FSTL5: variants seen among roughly 807,000 people sequenced by gnomAD.
FSTL5 encodes follistatin-related protein 5.
Under a neutral mutation model 89.1 loss-of-function variants are expected in FSTL5, and 62 were observed. That is an observed-to-expected ratio of 0.70 (90% CI 0.57 to 0.86). The LOEUF is 0.86. Ranked by LOEUF, FSTL5 falls within the 40% of genes least tolerant of loss-of-function variation. FSTL5 has a pLI of 0.00. For synonymous variants in FSTL5, 383 were observed against 346.2 expected (o/e 1.11, Z -1.18); for missense variants, 1,057 against 1,001.6 (o/e 1.06, Z -0.75).
intron 4 of FSTL5, among the ~76,000 whole-genome samples, chr4:161,838,648 T>C (rs1306370062): frequency 6.6e-6 from 1 of 152,148 alleles, no homozygotes; most frequent in Non-Finnish European, 1.5e-5. Context: ...TTGACATGTA[T>C]CGACATTATG....
In FSTL5 at chr4:161,828,044, G is replaced by A. The variant is rs558195407; in HGVS notation, c.410-51970C>T. ...TTCCTTTATCATGTGGACTTTTCCC[G>A]GTTCCTCTGGTAGCCCTCCCCAAGG... On this transcript the variant is annotated intron_variant, in intron 4 of 15. Coordinates refer to ENST00000306100, the MANE Select transcript of FSTL5 (RefSeq NM_020116.5). Among the ~76,000 whole-genome samples, 386 of 152,164 alleles carry A rather than the reference G, an allele frequency of 2.5e-3. 5 individuals are homozygous for A. In the South Asian group the frequency reaches 0.026, roughly 10 times the overall value.
At chr4:161,896,982 G>A (rs904786455) in intron 4 of FSTL5, among the ~76,000 whole-genome samples, 1 of 152,006 alleles carries the variant, frequency 6.6e-6, no homozygotes, top group Non-Finnish European at 1.5e-5. Flanking sequence ...ACCTAGGCTG[G>A]AATGCAGTGG....
At chr4:161,484,653 A>G (rs940693179) in intron 12 of FSTL5, among the ~76,000 whole-genome samples, 4 of 152,182 alleles carry the variant, frequency 2.6e-5, no homozygotes, top group African/African-American at 9.6e-5. Context: ...CTTTTAAAAG[A>G]TATATTTTCA....
At chr4:161,699,289 T>C (rs562404989) in intron 6 of FSTL5, among the ~76,000 whole-genome samples, 1 of 152,338 alleles carries the variant, frequency 6.6e-6, no homozygotes, top group South Asian at 2.1e-4. Context: ...GATGTATACA[T>C]AAAAAGATTT....
At chr4:162,023,879 C>G (rs1737186613) in intron 3 of FSTL5, among the ~76,000 whole-genome samples, 1 of 152,086 alleles carries the variant, frequency 6.6e-6, no homozygotes, top group South Asian at 2.1e-4. Flanking sequence ...TTGCCATTAT[C>G]TGTGAAAGGA....
chr4:162,112,293 A>G (rs1449284856), intron 1 of FSTL5, among the ~76,000 whole-genome samples: 2 of 152,176 alleles, frequency 1.3e-5, no homozygotes, highest in Non-Finnish European at 2.9e-5. Context: ...GGTCTGTTTT[A>G]GCGACAGGGT....
intron 3 of FSTL5, among the ~76,000 whole-genome samples, chr4:161,964,464 G>C (rs879375922): frequency 3.9e-5 from 6 of 151,978 alleles, no homozygotes; most frequent in Admixed American, 3.9e-4. Context: ...ACATTATGTT[G>C]AAGAATACAG....
At chr4:161,694,758 G>T (rs572002766) in intron 6 of FSTL5, among the ~76,000 whole-genome samples, 1 of 149,938 alleles carries the variant, frequency 6.7e-6, no homozygotes, top group African/African-American at 2.4e-5. Flanking sequence ...CTGGAAATCA[G>T]ATTTTTCTCT....
intron 7 of FSTL5, among the ~76,000 whole-genome samples, chr4:161,626,787 C>T (rs560814499): frequency 6.6e-6 from 1 of 152,114 alleles, no homozygotes; most frequent in Non-Finnish European, 1.5e-5. Context: ...GAAGGTCAAA[C>T]ATTTATATTA....
At chr4:161,694,557 T>C (rs1738070064) in intron 6 of FSTL5, among the ~76,000 whole-genome samples, 1 of 152,092 alleles carries the variant, frequency 6.6e-6, no homozygotes, top group Admixed American at 6.5e-5. Context: ...TCTTTGAAAA[T>C]ATTTATTCAT....
At chr4:161,677,560 C>T (rs981770681) in intron 6 of FSTL5, among the ~76,000 whole-genome samples, 35 of 152,028 alleles carry the variant, frequency 2.3e-4, no homozygotes, top group African/African-American at 8.4e-4. Context: ...TGGAAAATCA[C>T]AGCACAAAAA....
intron 15 of FSTL5, among the ~76,000 whole-genome samples, chr4:161,413,204 C>T (rs1477239726): frequency 2.2e-5 from 2 of 91,800 alleles, no homozygotes; most frequent in Admixed American, 1.5e-4. Context: ...GAACTTAAAT[C>T]AATAGGAAAA....
intron 6 of FSTL5, among the ~76,000 whole-genome samples, chr4:161,689,539 TTC>T (rs1737859940): frequency 6.6e-6 from 1 of 152,172 alleles, no homozygotes; most frequent in South Asian, 2.1e-4. Context: ...ATCTCATACA[TTC>T]TGTTTTGCCT....
intron 4 of FSTL5, among the ~76,000 whole-genome samples, chr4:161,804,474 A>C (rs577621578): frequency 1.6e-4 from 25 of 152,048 alleles, no homozygotes; most frequent in African/African-American, 5.5e-4. Context: ...TCCTTGAAAA[A>C]ATTGTGGGCA....
chr4:161,722,977 T>C (rs1313283953), intron 6 of FSTL5, among the ~76,000 whole-genome samples: 1 of 152,172 alleles, frequency 6.6e-6, no homozygotes, highest in Non-Finnish European at 1.5e-5. Flanking sequence ...GGGGACCAGC[T>C]ACATTTCTTT....
intron 6 of FSTL5, among the ~76,000 whole-genome samples, chr4:161,729,950 T>C (rs915624135): frequency 1.3e-5 from 2 of 152,210 alleles, no homozygotes; most frequent in Non-Finnish European, 2.9e-5. Flanking sequence ...TGTGTAAATA[T>C]AGTGTTTTAG....
intron 2 of FSTL5, among the ~76,000 whole-genome samples, chr4:162,097,295 C>A (rs13147769): frequency 0.77 from 117,047 of 151,460 alleles, 45,908 homozygotes; most frequent in Non-Finnish European, 0.84. Context: ...GAAATGCTAG[C>A]GAAATAAATA....
chr4:161,504,726 A>T (rs1458726699), intron 11 of FSTL5, among the ~76,000 whole-genome samples: 1 of 151,968 alleles, frequency 6.6e-6, no homozygotes, highest in Non-Finnish European at 1.5e-5. Flanking sequence ...GTACCCTTAA[A>T]TACATGAAAT....
chr4:162,086,025 T>C (rs1057296183), intron 2 of FSTL5, among the ~76,000 whole-genome samples: 3 of 152,102 alleles, frequency 2.0e-5, no homozygotes, highest in African/African-American at 7.2e-5. Context: ...TGAAGTTGAA[T>C]TTATTGGTAG....
Sources: gnomAD v4.1 joint callset for allele counts (sites outside exome capture counted in the v4.1 genomes callset) on GRCh38, gnomAD v4.1.1 for gene constraint, MANE v1.5 for transcripts, NCBI Gene and HGNC (gene_info 2026-07-23, HGNC 2026-07-21) for gene names.